The following MMADHC variants were observed in gnomAD, a reference collection of about 807,000 sequenced individuals.
MMADHC encodes the protein cobalamin trafficking protein CblD.
In MMADHC, 23 loss-of-function variants were observed where a neutral mutation model predicts 36.3. That is an observed-to-expected ratio of 0.63 (90% CI 0.46 to 0.90). MMADHC has a LOEUF of 0.90. Ranked by LOEUF, MMADHC falls within the 40% of genes least tolerant of loss-of-function variation. The pLI is 0.00. For missense variants in MMADHC, 330 were observed against 348.0 expected, an observed-to-expected ratio of 0.95 and a Z score of 0.41; for synonymous variants, 97 against 116.1, an observed-to-expected ratio of 0.84 and a Z score of 1.06.
chr2:149,573,875 C>CAA (rs60542315), intron 6 of MMADHC, among the ~76,000 whole-genome samples: 22 of 151,876 alleles, frequency 1.4e-4, no homozygotes, highest in Admixed American at 7.2e-4. Context: ...CAAATTAAAA[C>CAA]AAAAAAACCA....
Position 149,579,518 on chromosome 2 carries a change from A to T in MMADHC, c.285T>A (p.Val95=). Residue 95 remains valine, a synonymous_variant, in exon 4 of 8, where the codon GTT becomes GTA. Transcript: ENST00000303319. ...NGTASQKKSL[V]HKTLPDVLAE... Reference sequence around the variant, plus strand: ...CTAGAACATCAGGCAAAGTTTTATGAACCAGGCTTTTCTTCTGTGAAGCAG... The same window carrying T: ...CTAGAACATCAGGCAAAGTTTTATGTACCAGGCTTTTCTTCTGTGAAGCAG... 2 of 1,613,488 alleles carry T rather than the reference A, an allele frequency of 1.2e-6. No homozygotes were observed. Among genetic ancestry groups the T allele is most frequent in the Non-Finnish European group, 1.7e-6 (2 of 1,179,976 alleles).
At chr2:149,583,301 T>C (rs1196914741) in intron 2 of MMADHC, among the ~76,000 whole-genome samples, 1 of 151,948 alleles carries the variant, frequency 6.6e-6, no homozygotes, top group Non-Finnish European at 1.5e-5. Context: ...ACAGTAAAAA[T>C]TTGCTTGGGA....
At chr2:149,585,378 T>A (rs972761484) in intron 2 of MMADHC, among the ~76,000 whole-genome samples, 1 of 152,210 alleles carries the variant, frequency 6.6e-6, no homozygotes, top group Non-Finnish European at 1.5e-5. Context: ...TTTGATCATG[T>A]GAGGAAAAAA....
At chr2:149,578,748 T>C (rs1016126967) in intron 4 of MMADHC, among the ~76,000 whole-genome samples, 1 of 151,980 alleles carries the variant, frequency 6.6e-6, no homozygotes, top group Non-Finnish European at 1.5e-5. Context: ...AACTCAAATG[T>C]AAGGAATTGG....
intron 6 of MMADHC, among the ~76,000 whole-genome samples, chr2:149,575,213 A>G (rs1363484875): frequency 6.6e-6 from 1 of 152,242 alleles, no homozygotes; most frequent in African/African-American, 2.4e-5. Context: ...AGCATACTTT[A>G]GGTTAAAAGC....
intron 2 of MMADHC, among the ~76,000 whole-genome samples, chr2:149,584,441 C>A (rs749210761): frequency 3.5e-4 from 53 of 152,274 alleles, no homozygotes; most frequent in African/African-American, 1.2e-3. Flanking sequence ...AATCTGCGAT[C>A]ATTCACATCG....
At position 149,587,091 on chromosome 2, in the gene MMADHC, T is replaced by G. The variant is rs764550264; in HGVS notation, c.7A>C (p.Asn3His). Residue 3 changes from asparagine to histidine, a missense_variant and splice_region_variant, in exon 2 of 8, where the codon AAT becomes CAT. Transcript: ENST00000303319. ...TTCTTAAGAGATAATTTACTCACAT[T>G]GGCCATCTCCGCTGGAGAAGATAGT... MANVLCNRARLVS... is the reference protein window; with the variant it reads MAHVLCNRARLVS... 2 of 1,613,992 alleles carry G rather than the reference T, an allele frequency of 1.2e-6. No homozygotes were observed. Among genetic ancestry groups the G allele is most frequent in the South Asian group, 2.2e-5 (2 of 91,082 alleles).
intron 6 of MMADHC, among the ~76,000 whole-genome samples, chr2:149,574,830 T>C (rs1682690213): frequency 6.6e-6 from 1 of 152,194 alleles, no homozygotes; most frequent in South Asian, 2.1e-4. Flanking sequence ...ATGGTAGGTA[T>C]CACTTTGTCG....
rs1206635762 is a variant in MMADHC, at chr2:149,569,702, AGAG to A, written c.*269_*271del. Reference sequence around the variant, plus strand: ...TAAAACTGAGGCCTTTTTCCAATAAAGAGGAGAAATAACAATAGCAGATCATAC... The same window carrying A: ...TAAAACTGAGGCCTTTTTCCAATAAAGAGAAATAACAATAGCAGATCATAC... On this transcript the variant is annotated 3_prime_UTR_variant, in exon 8 of 8. Coordinates refer to ENST00000303319, the MANE Select transcript of MMADHC (RefSeq NM_015702.3). 1 of 264,794 alleles carries A rather than the reference AGAG, an allele frequency of 3.8e-6. No individual in the cohort carries two copies. The highest frequency in any genetic ancestry group is 5.0e-5 in the Admixed American group (1 of 19,996). The allele number at this position is 264,794 out of a possible 1,614,324, so 16.4% of individuals were successfully genotyped here. A position where few individuals can be genotyped will look rare whatever the true frequency, so the allele number is the denominator to read the frequency against.
intron 4 of MMADHC, among the ~76,000 whole-genome samples, chr2:149,579,048 A>T (rs1210359057): frequency 6.6e-6 from 1 of 151,118 alleles, no homozygotes; most frequent in Non-Finnish European, 1.5e-5. Flanking sequence ...TTAAGCTTTT[A>T]AATGGCTAGA....
chr2:149,584,715 G>A (rs1267991408), intron 2 of MMADHC, among the ~76,000 whole-genome samples: 4 of 152,114 alleles, frequency 2.6e-5, no homozygotes, highest in African/African-American at 7.2e-5. Context: ...GTTGATGATA[G>A]TACTAATCTG....
intron 2 of MMADHC, among the ~76,000 whole-genome samples, chr2:149,586,037 G>A (rs531311822): frequency 7.6e-4 from 116 of 152,172 alleles, no homozygotes; most frequent in Admixed American, 1.4e-3. Flanking sequence ...TTATGGGCAG[G>A]CAAAAATTCA....
Position 149,577,933 on chromosome 2 carries a change from A to G in MMADHC, c.373-1391T>C, listed in dbSNP as rs182537357. On this transcript the variant is annotated intron_variant, in intron 4 of 7. Transcript: ENST00000303319. The stretch of plus-strand genomic sequence containing the variant: ...CTCGGGAGGCTGAGGCAGGAGAATC[A>G]CTTAAACTAGGGAGTTGCAGGTTGC... Among the ~76,000 whole-genome samples, 788 of 152,064 alleles carry G rather than the reference A, an allele frequency of 5.2e-3. 9 individuals are homozygous for G. Among genetic ancestry groups the G allele is most frequent in the Admixed American group, 8.8e-3 (135 of 15,280 alleles).
intron 6 of MMADHC, chr2:149,572,219 C>A: frequency 2.4e-6 from 1 of 425,332 alleles, no homozygotes; most frequent in South Asian, 1.6e-5. Flanking sequence ...AAAACAAGGG[C>A]ACATAGCTAC....
Position 149,575,828 on chromosome 2 carries a change from C to T in MMADHC, c.492G>A (p.Leu164=), listed in dbSNP as rs1682708443. 1 of 1,601,252 alleles carries T rather than the reference C, an allele frequency of 6.2e-7. No individual in the cohort carries two copies. Among genetic ancestry groups the T allele is most frequent in the Non-Finnish European group, 8.5e-7 (1 of 1,170,400 alleles). ...GTTTGCCATTAGCTACTTCTGGAAACAGTGATTCAAAATCTACAAATAAGA... is the reference window on the plus strand; with the variant it reads ...GTTTGCCATTAGCTACTTCTGGAAATAGTGATTCAAAATCTACAAATAAGA... ...PELLRKDFES[L]FPEVANGKLM... Residue 164 remains leucine, a synonymous_variant, in exon 6 of 8, where the codon CTG becomes CTA. Transcript: ENST00000303319.
chr2:149,576,306 T>C (rs993073094), intron 5 of MMADHC, 131 bp downstream of exon 5: 4 of 709,354 alleles, frequency 5.6e-6, no homozygotes, highest in African/African-American at 5.3e-5. Context: ...ATCTTGGCCA[T>C]GCAATCATTT....
chr2:149,578,919 G>GA (rs199772659), intron 4 of MMADHC, among the ~76,000 whole-genome samples: 2,724 of 125,184 alleles, frequency 0.022, 100 homozygotes, highest in Admixed American at 0.11. Context: ...GTTTAAAAAT[G>GA]AAAAAAAAAA....
intron 1 of MMADHC, 138 bp downstream of exon 1, chr2:149,587,526 G>C: frequency 4.2e-6 from 1 of 237,708 alleles, no homozygotes; most frequent in South Asian, 6.0e-5. Flanking sequence ...TGAGGAAGCA[G>C]AAAAGAGACT....
intron 6 of MMADHC, among the ~76,000 whole-genome samples, chr2:149,571,888 CTTGT>C (rs1207602880): frequency 8.6e-5 from 13 of 151,950 alleles, no homozygotes; most frequent in Admixed American, 4.6e-4. Flanking sequence ...AAAACATTTA[CTTGT>C]TTGTGTGTCC....
Sources: gnomAD v4.1 joint callset for allele counts (sites outside exome capture counted in the v4.1 genomes callset) on GRCh38, gnomAD v4.1.1 for gene constraint, MANE v1.5 for transcripts, NCBI Gene and HGNC (gene_info 2026-07-23, HGNC 2026-07-21) for gene names.